The following PATJ variants were observed in gnomAD, a reference collection of about 807,000 sequenced individuals.
PATJ encodes the protein PATJ crumbs cell polarity complex component.
PATJ carries 190 observed loss-of-function variants against 224.9 expected under a neutral mutation model. That is an observed-to-expected ratio of 0.84 (90% CI 0.75 to 0.95). The LOEUF (loss-of-function observed/expected upper bound fraction) is 0.95, where lower values mean the gene tolerates loss of function less well. Among genes scored for constraint, PATJ ranks in the 40% least tolerant of loss-of-function variants. The pLI, the probability that PATJ is intolerant of heterozygous loss-of-function variation, is 0.00. For synonymous variants in PATJ, 769 were observed against 820.3 expected (o/e 0.94, Z 1.07); for missense variants, 2,121 against 2,270.3 (o/e 0.93, Z 1.34).
intron 27 of PATJ, among the ~76,000 whole-genome samples, chr1:61,959,350 A>T (rs1680891846): frequency 6.7e-6 from 1 of 149,976 alleles, no homozygotes; most frequent in Non-Finnish European, 1.5e-5. Context: ...TAAATTTTTG[A>T]ATGTCAGGAA....
intron 41 of PATJ, among the ~76,000 whole-genome samples, chr1:62,145,337 T>C (rs1298196275): frequency 6.6e-6 from 1 of 152,196 alleles, no homozygotes; most frequent in African/African-American, 2.4e-5. Context: ...CAAGGTAAGA[T>C]GTATGCAGTT....
intron 26 of PATJ, among the ~76,000 whole-genome samples, chr1:61,915,046 C>A (rs1053764053): frequency 6.6e-6 from 1 of 152,166 alleles, no homozygotes; most frequent in African/African-American, 2.4e-5. Flanking sequence ...TCTTTAAGGA[C>A]CACATCAAAG....
intron 33 of PATJ, among the ~76,000 whole-genome samples, chr1:62,090,901 G>A (rs1378061991): frequency 6.6e-6 from 1 of 152,178 alleles, no homozygotes; most frequent in Non-Finnish European, 1.5e-5. Flanking sequence ...ACCCTCAGAA[G>A]AAGTAAAAGA....
intron 4 of PATJ, 108 bp downstream of exon 4, chr1:61,766,581 T>C: frequency 1.4e-6 from 1 of 697,422 alleles, no homozygotes; most frequent in Middle Eastern, 3.3e-4. Context: ...TAGTATGTAT[T>C]TTGCTTGCTT....
chr1:61,915,691 C>A (rs1055322089), intron 26 of PATJ, among the ~76,000 whole-genome samples: 1 of 148,644 alleles, frequency 6.7e-6, no homozygotes, highest in Non-Finnish European at 1.5e-5. Context: ...ATTTTCTTTT[C>A]TTTCTTTTTT....
At chr1:62,083,858 G>C (rs1570510385) in intron 32 of PATJ, among the ~76,000 whole-genome samples, 2 of 152,250 alleles carry the variant, frequency 1.3e-5, no homozygotes, top group East Asian at 3.9e-4. Context: ...AGAATCTCCT[G>C]TTATACCAGC....
At chr1:62,034,809 C>T (rs1420825719) in intron 29 of PATJ, among the ~76,000 whole-genome samples, 1 of 152,156 alleles carries the variant, frequency 6.6e-6, no homozygotes, top group Non-Finnish European at 1.5e-5. Context: ...TAAAGTCATA[C>T]TAATTTGTGA....
intron 33 of PATJ, among the ~76,000 whole-genome samples, chr1:62,087,725 CCTT>C (rs796835758): frequency 2.0e-4 from 30 of 151,550 alleles, no homozygotes; most frequent in African/African-American, 6.5e-4. Flanking sequence ...GATTTTATCT[CCTT>C]CTGCTTGATA....
In PATJ at chr1:62,084,992, T is replaced by C. The variant is rs371380059; in HGVS notation, c.4377+344T>C. The stretch of plus-strand genomic sequence containing the variant: ...AATTGTCTGGGTGGGCTGAGCACAG[T>C]GGCTCACGCCTGTAATCCCAGCACT... On this transcript the variant is annotated intron_variant, in intron 33 of 43. Coordinates refer to ENST00000642238, the MANE Select transcript of PATJ (RefSeq NM_001350145.3). 2.4e-3 allele frequency among the ~76,000 whole-genome samples: 360 copies of C among 152,282 alleles called. 6 individuals carry two copies. Among genetic ancestry groups the C allele is most frequent in the African/African-American group, 8.1e-3 (335 of 41,552 alleles).
chr1:61,805,598 A>C (rs1048671903), intron 13 of PATJ, 74 bp downstream of exon 13: 1 of 912,072 alleles, frequency 1.1e-6, no homozygotes, highest in Non-Finnish European at 1.8e-6. Context: ...CGATCCAAAG[A>C]AATGGGTGAG....
chr1:61,814,559 C>T (rs753018741), intron 14 of PATJ, among the ~76,000 whole-genome samples: 12 of 141,562 alleles, frequency 8.5e-5, no homozygotes, highest in East Asian at 2.2e-4. Flanking sequence ...CGCGCGCGCG[C>T]GCATGTATGT....
At chr1:61,778,736 T>A (rs1390766792) in intron 7 of PATJ, among the ~76,000 whole-genome samples, 1 of 152,176 alleles carries the variant, frequency 6.6e-6, no homozygotes, top group East Asian at 1.9e-4. Context: ...AGTCTTGCTC[T>A]GTTGCCCAGG....
At chr1:61,794,726 A>T (rs1006796886) in intron 9 of PATJ, among the ~76,000 whole-genome samples, 3 of 151,994 alleles carry the variant, frequency 2.0e-5, no homozygotes, top group Non-Finnish European at 4.4e-5. Flanking sequence ...GGTGACTCAC[A>T]CCTGTAATCT....
At chr1:61,853,433 G>T (rs937524940) in intron 17 of PATJ, among the ~76,000 whole-genome samples, 40 of 152,236 alleles carry the variant, frequency 2.6e-4, no homozygotes, top group African/African-American at 9.1e-4. Context: ...ATATTTTGCT[G>T]TTGCAGTTTT....
intron 31 of PATJ, among the ~76,000 whole-genome samples, chr1:62,068,314 GTTTGTTT>G (rs1191781110): frequency 6.6e-6 from 1 of 152,228 alleles, no homozygotes; most frequent in Non-Finnish European, 1.5e-5. Context: ...CTAGAGGTTT[GTTTGTTT>G]GTTAGTTAGT....
At position 61,769,393 on chromosome 1, in the gene PATJ, G is replaced by A; in HGVS notation, c.495G>A (p.Lys165=). 1 of 1,614,096 alleles carries A rather than the reference G, an allele frequency of 6.2e-7. No homozygotes were observed. ...TCGGAAAAGTTGATATCTTCGTGAA[G>A]GATGTCCAGCCAGGGAGTGTAGCAG... ...QNLGKVDIFV[K]DVQPGSVADR... Residue 165 remains lysine, a synonymous_variant, in exon 5 of 44, where the codon AAG becomes AAA. Transcript: ENST00000642238.
intron 33 of PATJ, among the ~76,000 whole-genome samples, chr1:62,094,286 T>G (rs940554500): frequency 1.3e-5 from 2 of 152,094 alleles, no homozygotes; most frequent in African/African-American, 4.8e-5. Flanking sequence ...TCCCAGCTAC[T>G]TGAGAGGCTA....
rs910329694 is a variant in PATJ at position 62,009,880 on chromosome 1, C to T, written c.3868-7976C>T. 7.3e-5 allele frequency among the ~76,000 whole-genome samples: 11 copies of T among 151,602 alleles called. No homozygotes were observed. In the East Asian group the frequency reaches 1.2e-3, roughly 16 times the overall value. ...TGGGCGGATCACAAGGTCAGGGGTTCGAGACCAGCCTGGCCAATATGGTGA... is the reference window on the plus strand; with the variant it reads ...TGGGCGGATCACAAGGTCAGGGGTTTGAGACCAGCCTGGCCAATATGGTGA... On this transcript the variant is annotated intron_variant, in intron 28 of 43. Coordinates refer to ENST00000642238, the MANE Select transcript of PATJ (RefSeq NM_001350145.3).
chr1:61,790,067 A>C (rs1221441670), intron 8 of PATJ, among the ~76,000 whole-genome samples: 1 of 151,786 alleles, frequency 6.6e-6, no homozygotes, highest in Non-Finnish European at 1.5e-5. Context: ...GACCAGATGC[A>C]GTAGCTTACG....
Sources: gnomAD v4.1 joint callset for allele counts (sites outside exome capture counted in the v4.1 genomes callset) on GRCh38, gnomAD v4.1.1 for gene constraint, MANE v1.5 for transcripts, NCBI Gene and HGNC (gene_info 2026-07-23, HGNC 2026-07-21) for gene names.